The following SGCZ variants were observed in gnomAD, a reference collection of about 807,000 sequenced individuals.
The protein encoded by SGCZ is zeta-sarcoglycan.
SGCZ carries 40 observed loss-of-function variants against 41.3 expected under a neutral mutation model. That is an observed-to-expected ratio of 0.97 (90% CI 0.75 to 1.26). The LOEUF (loss-of-function observed/expected upper bound fraction) is 1.26. Ranked by LOEUF, SGCZ falls within the 50% of genes most tolerant of loss-of-function variation. The pLI is 0.00. For synonymous variants in SGCZ, 206 were observed against 137.5 expected, an observed-to-expected ratio of 1.50 and a Z score of -3.49; for missense variants, 552 against 369.8, an observed-to-expected ratio of 1.49 and a Z score of -4.04.
chr8:14,479,727 ACTTCTTTTTTTT>A (rs1228933919), intron 2 of SGCZ, among the ~76,000 whole-genome samples: 38 of 109,376 alleles, frequency 3.5e-4, no homozygotes, highest in Middle Eastern at 4.3e-3. Flanking sequence ...CCAGAATTCT[ACTTCTTTTTTTT>A]TTTTTTTTTT....
rs551418350 is a variant in SGCZ, at chr8:14,437,535, T to C, written c.235-113331A>G. On this transcript the variant is annotated intron_variant, in intron 2 of 7. Coordinates refer to ENST00000382080, the MANE Select transcript of SGCZ (RefSeq NM_139167.4). ...TTCAAGCAATACATTTTTCATAAAA[T>C]AGGTTATTTATGTTAGTATTTACTG... Among the ~76,000 whole-genome samples, 5 of 152,182 alleles carry C rather than the reference T, an allele frequency of 3.3e-5. No individual in the cohort carries two copies. In the East Asian group the frequency reaches 9.6e-4, roughly 29 times the overall value.
chr8:15,170,659 G>A (rs188771380), intron 1 of SGCZ, among the ~76,000 whole-genome samples: 68 of 152,208 alleles, frequency 4.5e-4, no homozygotes, highest in African/African-American at 1.5e-3. Context: ...TTCTATGCAC[G>A]CTCTTTCAAA....
chr8:14,731,795 T>A (rs560360703), intron 1 of SGCZ, among the ~76,000 whole-genome samples: 1 of 152,144 alleles, frequency 6.6e-6, no homozygotes. Flanking sequence ...GACCATTTCT[T>A]TTTCTAAAAT....
intron 1 of SGCZ, among the ~76,000 whole-genome samples, chr8:15,227,121 G>T (rs1801801748): frequency 6.6e-6 from 1 of 152,070 alleles, no homozygotes; most frequent in African/African-American, 2.4e-5. Context: ...AAGGTGGGAG[G>T]TGCCCATACA....
chr8:14,181,928 A>G (rs1416434594), intron 4 of SGCZ, among the ~76,000 whole-genome samples: 1 of 152,208 alleles, frequency 6.6e-6, no homozygotes, highest in Non-Finnish European at 1.5e-5. Flanking sequence ...TTATTTGTTA[A>G]CTCAGAGCCA....
intron 1 of SGCZ, among the ~76,000 whole-genome samples, chr8:15,132,487 C>T (rs768497099): frequency 3.3e-5 from 5 of 152,106 alleles, no homozygotes; most frequent in Non-Finnish European, 7.4e-5. Context: ...TGCATGAAAA[C>T]CAGTGGAAGG....
At chr8:14,997,110 G>A (rs956503648) in intron 1 of SGCZ, among the ~76,000 whole-genome samples, 3 of 152,088 alleles carry the variant, frequency 2.0e-5, no homozygotes, top group South Asian at 2.1e-4. Flanking sequence ...TTCTGGCTAA[G>A]CATTTACTCC....
intron 1 of SGCZ, among the ~76,000 whole-genome samples, chr8:15,135,459 A>C (rs1808067071): frequency 6.6e-6 from 1 of 152,196 alleles, no homozygotes; most frequent in African/African-American, 2.4e-5. Flanking sequence ...AAGAAAACAA[A>C]GTCACCTTGT....
At chr8:14,397,709 G>T (rs77191772) in intron 2 of SGCZ, among the ~76,000 whole-genome samples, 1 of 152,088 alleles carries the variant, frequency 6.6e-6, no homozygotes, top group Non-Finnish European at 1.5e-5. Flanking sequence ...GCAGGTGAAT[G>T]TATCTGAGAT....
intron 1 of SGCZ, among the ~76,000 whole-genome samples, chr8:14,763,924 G>A (rs961245098): frequency 6.6e-6 from 1 of 152,202 alleles, no homozygotes; most frequent in African/African-American, 2.4e-5. Context: ...AGAAGGAACT[G>A]TGTGATGTTG....
intron 4 of SGCZ, among the ~76,000 whole-genome samples, chr8:14,190,314 C>T (rs191350031): frequency 2.2e-4 from 34 of 151,622 alleles, no homozygotes; most frequent in African/African-American, 7.3e-4. Flanking sequence ...ACCCCGCCAG[C>T]GGAATCTACT....
At chr8:14,914,134 T>C (rs1028237333) in intron 1 of SGCZ, among the ~76,000 whole-genome samples, 3 of 151,960 alleles carry the variant, frequency 2.0e-5, no homozygotes, top group African/African-American at 7.2e-5. Context: ...GGGTAAAATT[T>C]ACTTAGAGAA....
rs143323156 is a variant in SGCZ, at chr8:14,993,968, A to G, written c.39+243617T>C. Among the ~76,000 whole-genome samples, 54 of 152,328 alleles carry G rather than the reference A, an allele frequency of 3.5e-4. No homozygotes were observed. In the East Asian group the frequency reaches 7.7e-3, roughly 22 times the overall value. ...CAGACTGTAAAGAAGCAAGGTCAGAAGGAGAAAGACCATTTGGTAGGATAC... is the reference window on the plus strand; with the variant it reads ...CAGACTGTAAAGAAGCAAGGTCAGAGGGAGAAAGACCATTTGGTAGGATAC... On this transcript the variant is annotated intron_variant, in intron 1 of 7. Coordinates refer to ENST00000382080, the MANE Select transcript of SGCZ (RefSeq NM_139167.4).
At chr8:14,856,485 C>T (rs1803549971) in intron 1 of SGCZ, among the ~76,000 whole-genome samples, 1 of 152,186 alleles carries the variant, frequency 6.6e-6, no homozygotes, top group Non-Finnish European at 1.5e-5. Context: ...TTTCCACACT[C>T]AGCTTGGCAA....
intron 1 of SGCZ, among the ~76,000 whole-genome samples, chr8:15,015,757 G>C (rs1043481295): frequency 8.7e-5 from 13 of 150,060 alleles, no homozygotes; most frequent in Non-Finnish European, 1.8e-4. Flanking sequence ...GTGTGTGTGT[G>C]TGTGTGTGTG....
chr8:14,287,839 A>G (rs1189436331), intron 3 of SGCZ, among the ~76,000 whole-genome samples: 2 of 152,066 alleles, frequency 1.3e-5, no homozygotes, highest in African/African-American at 4.8e-5. Flanking sequence ...GTAGCCCGGC[A>G]GCTTTATTTT....
At chr8:14,354,138 G>A (rs1803204714) in intron 2 of SGCZ, among the ~76,000 whole-genome samples, 1 of 151,968 alleles carries the variant, frequency 6.6e-6, no homozygotes, top group East Asian at 1.9e-4. Flanking sequence ...GCGTATCTCT[G>A]TATATATTGT....
At chr8:14,804,790 A>C (rs1175897943) in intron 1 of SGCZ, among the ~76,000 whole-genome samples, 1 of 92,474 alleles carries the variant, frequency 1.1e-5, no homozygotes, top group African/African-American at 3.9e-5. Flanking sequence ...GATTCACCAA[A>C]GTTGAAATGA....
chr8:14,138,405 G>A (rs188813447), intron 5 of SGCZ, among the ~76,000 whole-genome samples: 1 of 151,896 alleles, frequency 6.6e-6, no homozygotes. Context: ...TGGATAAAGA[G>A]TCAAGACCCA....
Sources: gnomAD v4.1 joint callset for allele counts (sites outside exome capture counted in the v4.1 genomes callset) on GRCh38, gnomAD v4.1.1 for gene constraint, MANE v1.5 for transcripts, NCBI Gene and HGNC (gene_info 2026-07-23, HGNC 2026-07-21) for gene names.